LRP1B: variants seen among roughly 807,000 people sequenced by gnomAD.
LRP1B encodes the protein LDL receptor related protein 1B.
In LRP1B, 217 loss-of-function variants were observed where a neutral mutation model predicts 556.6. The ratio of observed to expected loss-of-function variants is 0.39; its 90% CI spans 0.35 to 0.44. The LOEUF (loss-of-function observed/expected upper bound fraction) is 0.44, where lower values mean the gene tolerates loss of function less well. Among genes scored for constraint, LRP1B ranks in the 20% least tolerant of loss-of-function variants. The pLI is 1.00. For synonymous variants in LRP1B, 2,047 were observed against 1,865.8 expected, an observed-to-expected ratio of 1.10 and a Z score of -2.50; for missense variants, 5,053 against 5,620.8, an observed-to-expected ratio of 0.90 and a Z score of 3.23.
At chr2:140,562,440 T>C (rs1022543633) in intron 43 of LRP1B, among the ~76,000 whole-genome samples, 2 of 152,126 alleles carry the variant, frequency 1.3e-5, no homozygotes, top group African/African-American at 2.4e-5. Context: ...CTGTGTGAGA[T>C]TTGATTCACA....
chr2:142,115,499 AAT>A lies in LRP1B; in HGVS notation c.82+15147_82+15148del, dbSNP rs1327229412. Among the ~76,000 whole-genome samples, 44 of 84,994 alleles carry A rather than the reference AAT, an allele frequency of 5.2e-4. 1 individual carries two copies. The highest frequency in any genetic ancestry group is 7.8e-4 in the Non-Finnish European group (34 of 43,456). 55.8% of individuals were successfully genotyped at this position (84,994 alleles called of 152,430 possible). A position where few individuals can be genotyped will look rare whatever the true frequency, so the allele number is the denominator to read the frequency against. On this transcript the variant is annotated intron_variant, in intron 1 of 90. Transcript: ENST00000389484. ...ATACATATAATATATAATTATATATAATATATATTATATATTACATATATAAT... is the reference window on the plus strand; with the variant it reads ...ATACATATAATATATAATTATATATAATATATTATATATTACATATATAAT...
chr2:141,645,747 G>A (rs1689538981), intron 2 of LRP1B, among the ~76,000 whole-genome samples: 1 of 151,798 alleles, frequency 6.6e-6, no homozygotes, highest in South Asian at 2.1e-4. Flanking sequence ...TCACCATGTG[G>A]TTTCAAGGAC....
chr2:141,190,722 T>A (rs1199456022), intron 6 of LRP1B, among the ~76,000 whole-genome samples: 1 of 151,926 alleles, frequency 6.6e-6, no homozygotes, highest in Non-Finnish European at 1.5e-5. Flanking sequence ...ATTTTTAACT[T>A]TTGAAAATTA....
chr2:141,846,443 G>A (rs1238620557), intron 1 of LRP1B, among the ~76,000 whole-genome samples: 1 of 151,378 alleles, frequency 6.6e-6, no homozygotes, highest in Non-Finnish European at 1.5e-5. Context: ...ATGTTTTACC[G>A]ACATTTTTGG....
chr2:140,343,834 G>A (rs1277889080), intron 77 of LRP1B, among the ~76,000 whole-genome samples: 1 of 151,590 alleles, frequency 6.6e-6, no homozygotes, highest in South Asian at 2.1e-4. Flanking sequence ...GAGAAAAAAG[G>A]GTACTTACTA....
intron 1 of LRP1B, among the ~76,000 whole-genome samples, chr2:141,988,860 A>G (rs768565359): frequency 6.6e-6 from 1 of 152,020 alleles, no homozygotes; most frequent in Non-Finnish European, 1.5e-5. Context: ...ACTTTAGAGC[A>G]TTTTCTCATA....
At chr2:141,219,317 C>T (rs908172471) in intron 6 of LRP1B, among the ~76,000 whole-genome samples, 2 of 152,228 alleles carry the variant, frequency 1.3e-5, no homozygotes, top group Admixed American at 6.5e-5. Flanking sequence ...CAGCGAAGCA[C>T]AGCAGCTGTG....
chr2:141,057,767 G>A (rs964927931), intron 9 of LRP1B, among the ~76,000 whole-genome samples: 1 of 151,758 alleles, frequency 6.6e-6, no homozygotes, highest in African/African-American at 2.4e-5. Context: ...CCAGTCTTGG[G>A]TACGTCTTTA....
At chr2:141,216,541 C>G (rs1027631161) in intron 6 of LRP1B, among the ~76,000 whole-genome samples, 1 of 152,044 alleles carries the variant, frequency 6.6e-6, no homozygotes, top group Admixed American at 6.5e-5. Context: ...CCTTCATACC[C>G]CAGAATGAGA....
chr2:141,823,280 T>G (rs1696813703), intron 1 of LRP1B, among the ~76,000 whole-genome samples: 1 of 152,160 alleles, frequency 6.6e-6, no homozygotes, highest in Admixed American at 6.5e-5. Flanking sequence ...CCTGCATTGC[T>G]CTAGATTGTG....
intron 1 of LRP1B, among the ~76,000 whole-genome samples, chr2:141,956,112 C>G (rs1418221155): frequency 6.6e-6 from 1 of 152,024 alleles, no homozygotes; most frequent in Admixed American, 6.6e-5. Flanking sequence ...GATACTAAGA[C>G]AGGCATATGC....
intron 3 of LRP1B, among the ~76,000 whole-genome samples, chr2:141,334,315 A>T (rs1235778092): frequency 2.6e-5 from 4 of 152,212 alleles, no homozygotes. Flanking sequence ...GAGTTCCCAC[A>T]AGATACGGTT....
intron 4 of LRP1B, among the ~76,000 whole-genome samples, chr2:141,251,239 A>G (rs1045397536): frequency 6.6e-6 from 1 of 152,162 alleles, no homozygotes; most frequent in African/African-American, 2.4e-5. Context: ...GTCCTTTGAA[A>G]ATAAAAGTGA....
intron 3 of LRP1B, among the ~76,000 whole-genome samples, chr2:141,305,564 C>A (rs1425728289): frequency 6.6e-6 from 1 of 152,082 alleles, no homozygotes; most frequent in Non-Finnish European, 1.5e-5. Flanking sequence ...TCCCGTTTTT[C>A]CAGTTTGGAT....
intron 3 of LRP1B, among the ~76,000 whole-genome samples, chr2:141,361,091 A>T (rs1196985708): frequency 6.6e-6 from 1 of 152,160 alleles, no homozygotes; most frequent in Non-Finnish European, 1.5e-5. Flanking sequence ...GCCACACATA[A>T]CTTAATCTCA....
intron 21 of LRP1B, among the ~76,000 whole-genome samples, chr2:140,915,467 G>A (rs1694546659): frequency 7.1e-6 from 1 of 140,646 alleles, no homozygotes; most frequent in Admixed American, 7.5e-5. Flanking sequence ...TGGCCAACAT[G>A]GTGAAAACGC....
chr2:141,294,239 A>G (rs1290094466), intron 3 of LRP1B, among the ~76,000 whole-genome samples: 1 of 152,196 alleles, frequency 6.6e-6, no homozygotes, highest in Admixed American at 6.5e-5. Flanking sequence ...TGCAGAGTGC[A>G]TGTTAAATGA....
intron 78 of LRP1B, among the ~76,000 whole-genome samples, chr2:140,334,896 T>C (rs1013434986): frequency 2.0e-5 from 3 of 152,034 alleles, no homozygotes; most frequent in African/African-American, 7.2e-5. Flanking sequence ...CCCTTTTGTT[T>C]TAACAGAATA....
At chr2:141,727,082 AAGG>A (rs1261043756) in intron 2 of LRP1B, among the ~76,000 whole-genome samples, 1 of 152,158 alleles carries the variant, frequency 6.6e-6, no homozygotes, top group African/African-American at 2.4e-5. Flanking sequence ...CCACTAATGT[AAGG>A]AGATTATTTA....
Sources: gnomAD v4.1 joint callset for allele counts (sites outside exome capture counted in the v4.1 genomes callset) on GRCh38, gnomAD v4.1.1 for gene constraint, MANE v1.5 for transcripts, NCBI Gene and HGNC (gene_info 2026-07-23, HGNC 2026-07-21) for gene names.